PCDH9: variants seen among roughly 807,000 people sequenced by gnomAD.
The protein encoded by PCDH9 is protocadherin-9.
Under a neutral mutation model 70.6 loss-of-function variants are expected in PCDH9, and 24 were observed. The ratio of observed to expected loss-of-function variants is 0.34; its 90% CI spans 0.25 to 0.48. PCDH9 has a LOEUF of 0.48. Ranked by LOEUF, PCDH9 falls within the 20% of genes least tolerant of loss-of-function variation. PCDH9 has a pLI of 0.99. For synonymous variants in PCDH9, 562 were observed against 558.5 expected (o/e 1.01, Z -0.09); for missense variants, 1,281 against 1,503.6 (o/e 0.85, Z 2.45).
At chr13:66,360,634 T>C (rs1198540759) in intron 4 of PCDH9, among the ~76,000 whole-genome samples, 1 of 152,144 alleles carries the variant, frequency 6.6e-6, no homozygotes, top group Non-Finnish European at 1.5e-5. Flanking sequence ...CAAATGTGGC[T>C]TGAGTCTATT....
intron 3 of PCDH9, among the ~76,000 whole-genome samples, chr13:66,725,695 A>G (rs1406363458): frequency 6.6e-6 from 1 of 152,214 alleles, no homozygotes; most frequent in Non-Finnish European, 1.5e-5. Context: ...TACATCATTA[A>G]CTCACAGTTG....
chr13:66,732,964 C>A (rs1224132338), intron 3 of PCDH9, among the ~76,000 whole-genome samples: 1 of 152,034 alleles, frequency 6.6e-6, no homozygotes, highest in Admixed American at 6.5e-5. Context: ...CATGTATGAC[C>A]CTGCTATCTC....
At chr13:66,986,469 C>T (rs1429873808) in intron 2 of PCDH9, among the ~76,000 whole-genome samples, 5 of 151,950 alleles carry the variant, frequency 3.3e-5, no homozygotes, top group Non-Finnish European at 7.4e-5. Flanking sequence ...ACTGAATAAT[C>T]TGTTTTTCAC....
chr13:66,571,777 T>C (rs553142268), intron 4 of PCDH9, among the ~76,000 whole-genome samples: 9 of 152,150 alleles, frequency 5.9e-5, no homozygotes, highest in African/African-American at 1.7e-4. Context: ...AATAGTCAAA[T>C]GTTTGGGCAA....
chr13:66,486,451 TG>T (rs2138521377), intron 4 of PCDH9, among the ~76,000 whole-genome samples: 1 of 36,994 alleles, frequency 2.7e-5, no homozygotes, highest in East Asian at 8.9e-4. Flanking sequence ...AGCTAGACCC[TG>T]TCCCCCCCCC....
chr13:66,738,928 T>C (rs1343669895), intron 3 of PCDH9, among the ~76,000 whole-genome samples: 6 of 141,504 alleles, frequency 4.2e-5, no homozygotes, highest in Non-Finnish European at 7.7e-5. Flanking sequence ...CAGGATATTA[T>C]CCAGGAGAAC....
intron 2 of PCDH9, among the ~76,000 whole-genome samples, chr13:67,081,600 C>A (rs2085984740): frequency 6.6e-6 from 1 of 151,982 alleles, no homozygotes; most frequent in Non-Finnish European, 1.5e-5. Flanking sequence ...AAACAGATAA[C>A]AAAACATAAT....
chr13:66,448,297 A>C (rs1404727913), intron 4 of PCDH9, among the ~76,000 whole-genome samples: 1 of 152,220 alleles, frequency 6.6e-6, no homozygotes, highest in Non-Finnish European at 1.5e-5. Context: ...TCCCCAGAGA[A>C]ATAGCTGTTT....
chr13:66,346,344 C>G (rs944225636), intron 4 of PCDH9, among the ~76,000 whole-genome samples: 12 of 152,302 alleles, frequency 7.9e-5, no homozygotes, highest in Admixed American at 7.8e-4. Context: ...AACGTTGATT[C>G]TTGACTAGGA....
intron 3 of PCDH9, among the ~76,000 whole-genome samples, chr13:66,670,698 T>C (rs756342066): frequency 2.6e-4 from 40 of 152,124 alleles, no homozygotes; most frequent in Non-Finnish European, 3.4e-4. Context: ...CCTGTTTTCA[T>C]ACATTCACAG....
chr13:66,475,317 C>CAG (rs1479723305), intron 4 of PCDH9, among the ~76,000 whole-genome samples: 1 of 152,070 alleles, frequency 6.6e-6, no homozygotes, highest in African/African-American at 2.4e-5. Context: ...TCTTGCAGCC[C>CAG]TGCTGTCACT....
At chr13:66,932,695 C>A (rs1055654749) in intron 2 of PCDH9, among the ~76,000 whole-genome samples, 19 of 113,162 alleles carry the variant, frequency 1.7e-4, no homozygotes, top group South Asian at 2.8e-4. Flanking sequence ...CACACACACA[C>A]GTATGTATAT....
chr13:66,666,427 G>GTTT (rs5804288), intron 3 of PCDH9, among the ~76,000 whole-genome samples: 1 of 149,612 alleles, frequency 6.7e-6, no homozygotes, highest in African/African-American at 2.5e-5. Context: ...GATGTTCTGT[G>GTTT]TTTTTTTTTT....
chr13:66,349,756 G>A (rs1593841523), intron 4 of PCDH9, among the ~76,000 whole-genome samples: 1 of 152,286 alleles, frequency 6.6e-6, no homozygotes, highest in East Asian at 1.9e-4. Context: ...GAAGGAAAAT[G>A]TCAGATACCA....
At chr13:66,525,141 C>T (rs1338055837) in intron 4 of PCDH9, among the ~76,000 whole-genome samples, 1 of 151,982 alleles carries the variant, frequency 6.6e-6, no homozygotes, top group Non-Finnish European at 1.5e-5. Context: ...TCCCTTGTCG[C>T]TCTCATTTCC....
At chr13:66,795,494 A>G (rs547566542) in intron 3 of PCDH9, among the ~76,000 whole-genome samples, 1 of 152,232 alleles carries the variant, frequency 6.6e-6, no homozygotes, top group South Asian at 2.1e-4. Flanking sequence ...TGACTGGGGG[A>G]AAATATCACA....
chr13:67,023,994 G>C (rs1391254712), intron 2 of PCDH9, among the ~76,000 whole-genome samples: 1 of 151,982 alleles, frequency 6.6e-6, no homozygotes, highest in African/African-American at 2.4e-5. Context: ...AGAAACAAGG[G>C]GAAGATGAAG....
At chr13:66,440,579 G>A (rs1388531134) in intron 4 of PCDH9, among the ~76,000 whole-genome samples, 1 of 151,868 alleles carries the variant, frequency 6.6e-6, no homozygotes, top group East Asian at 1.9e-4. Flanking sequence ...GTATCATTAG[G>A]TTTAATTTGT....
chr13:67,105,488 G>A (rs998468679), intron 2 of PCDH9, among the ~76,000 whole-genome samples: 1 of 152,060 alleles, frequency 6.6e-6, no homozygotes, highest in Non-Finnish European at 1.5e-5. Flanking sequence ...GGTACCCAGA[G>A]ATGAAGTGAG....
Sources: gnomAD v4.1 joint callset for allele counts (sites outside exome capture counted in the v4.1 genomes callset) on GRCh38, gnomAD v4.1.1 for gene constraint, MANE v1.5 for transcripts, NCBI Gene and HGNC (gene_info 2026-07-23, HGNC 2026-07-21) for gene names.